Variants in RCAN2 observed in about 807,000 individuals in gnomAD.
RCAN2 encodes calcipressin-2.
RCAN2 carries 9 observed loss-of-function variants against 23.6 expected under a neutral mutation model. That is an observed-to-expected ratio of 0.38 (90% confidence interval 0.23 to 0.67). The LOEUF is 0.67. RCAN2 is among the 30% of genes least tolerant of loss of function. The probability of loss-of-function intolerance (pLI) is 0.51; values close to 1 mark genes in which losing one functional copy is unlikely to be tolerated. For missense variants in RCAN2, 273 were observed against 302.3 expected (o/e 0.90, Z 0.72); for synonymous variants, 109 against 115.7 (o/e 0.94, Z 0.37).
At chr6:46,299,812 C>T (rs1762845331) in intron 2 of RCAN2, among the ~76,000 whole-genome samples, 1 of 151,788 alleles carries the variant, frequency 6.6e-6, no homozygotes, top group African/African-American at 2.4e-5. Flanking sequence ...TAATGGAATA[C>T]AATATTGAAC....
At chr6:46,436,593 G>A (rs1351208770) in intron 2 of RCAN2, among the ~76,000 whole-genome samples, 1 of 152,194 alleles carries the variant, frequency 6.6e-6, no homozygotes, top group African/African-American at 2.4e-5. Context: ...CTAGCCAATA[G>A]TTACAGTTAA....
chr6:46,369,841 A>G (rs1226826636), intron 2 of RCAN2, among the ~76,000 whole-genome samples: 1 of 152,204 alleles, frequency 6.6e-6, no homozygotes, highest in Admixed American at 6.5e-5. Context: ...AGAGCAGCTA[A>G]TCACTTTTCC....
intron 2 of RCAN2, among the ~76,000 whole-genome samples, chr6:46,372,256 A>G (rs1765343491): frequency 6.6e-6 from 1 of 152,222 alleles, no homozygotes; most frequent in Non-Finnish European, 1.5e-5. Context: ...CCTATTTTTT[A>G]TTGAGCACTT....
intron 2 of RCAN2, among the ~76,000 whole-genome samples, chr6:46,456,010 C>A (rs1768016947): frequency 6.6e-6 from 1 of 151,918 alleles, no homozygotes; most frequent in African/African-American, 2.4e-5. Flanking sequence ...ATTTAGATAC[C>A]CCATTCAAAG....
chr6:46,332,722 G>A (rs140415438), intron 2 of RCAN2, among the ~76,000 whole-genome samples: 5,147 of 152,062 alleles, frequency 0.034, 268 homozygotes, highest in African/African-American at 0.11. Context: ...TGGACATTTG[G>A]GTTGGTTCCA....
chr6:46,471,065 C>A (rs952218778), intron 1 of RCAN2, among the ~76,000 whole-genome samples: 1 of 152,078 alleles, frequency 6.6e-6, no homozygotes, highest in African/African-American at 2.4e-5. Context: ...AGGAATATGT[C>A]TCTGATCAAT....
intron 2 of RCAN2, among the ~76,000 whole-genome samples, chr6:46,352,707 A>C (rs964602612): frequency 6.6e-6 from 1 of 152,192 alleles, no homozygotes; most frequent in Non-Finnish European, 1.5e-5. Flanking sequence ...CCCAGGATCC[A>C]GGCCAGAAAC....
intron 2 of RCAN2, among the ~76,000 whole-genome samples, chr6:46,343,517 A>C (rs113204533): frequency 0.019 from 2,954 of 151,900 alleles, 76 homozygotes; most frequent in African/African-American, 0.065. Flanking sequence ...CTGGGACTAC[A>C]GGTGCCCGTC....
At chr6:46,239,338 C>A (rs1340863858) in intron 4 of RCAN2, among the ~76,000 whole-genome samples, 2 of 152,218 alleles carry the variant, frequency 1.3e-5, no homozygotes, top group Non-Finnish European at 1.5e-5. Flanking sequence ...CCAGGGAATT[C>A]AGTCCTTTGT....
In RCAN2 at chr6:46,491,167, AC is replaced by A. The variant is rs1388744815; in HGVS notation, c.-3+5del. ...CGAGCCTGGCCGGCGCGGTTACATA[AC>A]CGACCTGCTGGGCGTCCGCGATGCG... On this transcript the variant is annotated splice_donor_5th_base_variant and intron_variant, in intron 1 of 4. Coordinates refer to ENST00000371374, the MANE Select transcript of RCAN2 (RefSeq NM_001251974.2). 1 of 150,908 alleles carries A rather than the reference AC, an allele frequency of 6.6e-6. No homozygotes were observed. The highest frequency in any genetic ancestry group is 2.0e-4 in the East Asian group (1 of 5,066). 9.3% of individuals were successfully genotyped at this position (150,908 alleles called of 1,614,324 possible). A position where few individuals can be genotyped will look rare whatever the true frequency, so the allele number is the denominator to read the frequency against.
chr6:46,246,431 C>A (rs2150316932), intron 4 of RCAN2, among the ~76,000 whole-genome samples: 1 of 152,230 alleles, frequency 6.6e-6, no homozygotes, highest in Admixed American at 6.5e-5. Context: ...TCTGAGGAAA[C>A]AATTTCCTCC....
At chr6:46,330,163 G>T (rs899827138) in intron 2 of RCAN2, among the ~76,000 whole-genome samples, 1 of 152,110 alleles carries the variant, frequency 6.6e-6, no homozygotes, top group African/African-American at 2.4e-5. Context: ...TTAACAAGGG[G>T]CCAATCTTGC....
intron 2 of RCAN2, among the ~76,000 whole-genome samples, chr6:46,259,362 A>G (rs1440721007): frequency 1.3e-5 from 2 of 152,134 alleles, no homozygotes; most frequent in Non-Finnish European, 1.5e-5. Flanking sequence ...AATGCAAATG[A>G]GGGGCTCTAA....
intron 2 of RCAN2, among the ~76,000 whole-genome samples, chr6:46,341,630 T>A (rs1764320029): frequency 6.6e-6 from 1 of 151,974 alleles, no homozygotes. Context: ...GACCCCCATC[T>A]CTACTAAAAA....
chr6:46,262,723 T>C (rs911880747), intron 2 of RCAN2, among the ~76,000 whole-genome samples: 2 of 152,180 alleles, frequency 1.3e-5, no homozygotes, highest in African/African-American at 2.4e-5. Context: ...CTTCATAAAA[T>C]GGCTATCACC....
chr6:46,308,498 T>A (rs1281737937), intron 2 of RCAN2, among the ~76,000 whole-genome samples: 1 of 152,066 alleles, frequency 6.6e-6, no homozygotes, highest in African/African-American at 2.4e-5. Flanking sequence ...GAGCACAGTC[T>A]AGGGTGGAAT....
intron 2 of RCAN2, among the ~76,000 whole-genome samples, chr6:46,339,382 T>A (rs893080446): frequency 1.3e-5 from 2 of 151,844 alleles, no homozygotes; most frequent in Non-Finnish European, 1.5e-5. Flanking sequence ...TCGCTGGATT[T>A]TGAGAGGTAA....
intron 2 of RCAN2, among the ~76,000 whole-genome samples, chr6:46,323,829 C>A (rs1763698352): frequency 2.0e-5 from 3 of 152,172 alleles, no homozygotes; most frequent in Admixed American, 2.0e-4. Flanking sequence ...ATATTTTAAA[C>A]TTTTTCCTAT....
chr6:46,448,371 A>T (rs1418792502), intron 2 of RCAN2, among the ~76,000 whole-genome samples: 1 of 151,748 alleles, frequency 6.6e-6, no homozygotes, highest in Admixed American at 6.6e-5. Context: ...AGCCCAGAAC[A>T]CGATGACTTT....
Sources: allele counts gnomAD v4.1 joint callset (sites outside exome capture counted in the v4.1 genomes callset), GRCh38; gene constraint gnomAD v4.1.1; transcripts MANE v1.5; gene names NCBI Gene and HGNC (gene_info 2026-07-23, HGNC 2026-07-21).